The following LINGO2 variants were observed in gnomAD, a reference collection of about 807,000 sequenced individuals.
LINGO2 encodes the protein leucine rich repeat and Ig domain containing 2.
In LINGO2, 14 loss-of-function variants were observed where a neutral mutation model predicts 30.6. The ratio of observed to expected loss-of-function variants is 0.46; its 90% CI spans 0.30 to 0.72. The LOEUF (loss-of-function observed/expected upper bound fraction) is 0.72, where lower values mean the gene tolerates loss of function less well. Ranked by LOEUF, LINGO2 falls within the 30% of genes least tolerant of loss-of-function variation. The probability of loss-of-function intolerance (pLI) is 0.07; values close to 1 mark genes in which losing one functional copy is unlikely to be tolerated. For synonymous variants in LINGO2, 317 were observed against 288.5 expected (o/e 1.10, Z -1.00); for missense variants, 729 against 751.7 (o/e 0.97, Z 0.35).
chr9:28,545,902 ATCTG>A (rs968487323), intron 1 of LINGO2, among the ~76,000 whole-genome samples: 1 of 152,078 alleles, frequency 6.6e-6, no homozygotes, highest in African/African-American at 2.4e-5. Flanking sequence ...TTTAAATTGT[ATCTG>A]TCTGGTTCCT....
At chr9:28,862,617 T>C in the LINGO2 span, among the ~76,000 whole-genome samples, 4 of 152,000 alleles carry the variant, frequency 2.6e-5, no homozygotes, top group Non-Finnish European at 1.5e-5. Flanking sequence ...ATGAATACAA[T>C]AGATATATTC....
At chr9:28,617,666 T>A in intron 1 of LINGO2, among the ~76,000 whole-genome samples, 1 of 152,158 alleles carries the variant, frequency 6.6e-6, no homozygotes, top group East Asian at 1.9e-4. Context: ...TTCTCACCAA[T>A]GAAATTACTC....
intron 5 of LINGO2, among the ~76,000 whole-genome samples, chr9:27,998,108 C>CCCTT (rs1821759869): frequency 6.6e-6 from 1 of 152,154 alleles, no homozygotes; most frequent in African/African-American, 2.4e-5. Flanking sequence ...TATGCACAGG[C>CCCTT]CCTTGAAAGG....
At chr9:28,993,658 C>T in the LINGO2 span, among the ~76,000 whole-genome samples, 3 of 150,336 alleles carry the variant, frequency 2.0e-5, 1 homozygote, top group Non-Finnish European at 4.5e-5. Flanking sequence ...CATCAAAGAG[C>T]TTATCCACCA....
At chr9:28,155,503 CT>C (rs1244937280) in intron 4 of LINGO2, among the ~76,000 whole-genome samples, 2 of 152,208 alleles carry the variant, frequency 1.3e-5, no homozygotes, top group Non-Finnish European at 2.9e-5. Context: ...ATGCTACTTC[CT>C]GCTTGAAAGC....
In LINGO2 at chr9:28,400,146, G is replaced by A. The variant is rs1028739051; in HGVS notation, c.-278-27278C>T. On this transcript the variant is annotated intron_variant, in intron 2 of 5. Transcript: ENST00000379992. ...GACTCTATTGTGACCCTTTGGCACC[G>A]GAAAGACCAGCCCAAGATACAATTA... is the stretch of plus-strand genomic sequence containing the variant. Among the ~76,000 whole-genome samples the A allele has an allele frequency of 2.6e-5, 4 of 152,102 alleles. No individual in the cohort carries two copies. In the East Asian group the frequency reaches 5.8e-4, roughly 22 times the overall value.
the LINGO2 span, among the ~76,000 whole-genome samples, chr9:28,677,974 A>T: frequency 2.0e-5 from 3 of 150,538 alleles, 1 homozygote; most frequent in African/African-American, 7.3e-5. Flanking sequence ...TGCCACCCCC[A>T]CTCCAAGCTG....
chr9:28,794,246 G>A, the LINGO2 span, among the ~76,000 whole-genome samples: 1 of 152,232 alleles, frequency 6.6e-6, no homozygotes, highest in African/African-American at 2.4e-5. Flanking sequence ...AGAGGTTGCA[G>A]TGAGCCGAGA....
At chr9:28,839,560 T>C in the LINGO2 span, among the ~76,000 whole-genome samples, 1 of 152,146 alleles carries the variant, frequency 6.6e-6, no homozygotes, top group Non-Finnish European at 1.5e-5. Context: ...TATCAGCTGC[T>C]GAGAGGAGAC....
the LINGO2 span, among the ~76,000 whole-genome samples, chr9:28,984,810 T>G: frequency 6.6e-6 from 1 of 152,158 alleles, no homozygotes; most frequent in African/African-American, 2.4e-5. Flanking sequence ...CAATGTGGAA[T>G]AATTAAATCT....
chr9:28,849,277 T>C, the LINGO2 span, among the ~76,000 whole-genome samples: 1 of 129,786 alleles, frequency 7.7e-6, no homozygotes, highest in Non-Finnish European at 1.7e-5. Flanking sequence ...TGTTGTTGTA[T>C]CTGCTGTAAG....
chr9:28,035,893 A>AACACACACACACACACAAAC (rs141380517), intron 4 of LINGO2, among the ~76,000 whole-genome samples: 1 of 149,198 alleles, frequency 6.7e-6, no homozygotes, highest in African/African-American at 2.5e-5. Flanking sequence ...CACACACACA[A>AACACACACACACACACAAAC]ACACACACAC....
At chr9:28,428,023 TAC>T (rs897156292) in intron 2 of LINGO2, among the ~76,000 whole-genome samples, 6 of 152,152 alleles carry the variant, frequency 3.9e-5, no homozygotes, top group African/African-American at 1.4e-4. Flanking sequence ...CTGTGTGTAA[TAC>T]AGTCAGTTGC....
At chr9:28,465,462 T>C (rs1042809474) in intron 2 of LINGO2, among the ~76,000 whole-genome samples, 1 of 152,044 alleles carries the variant, frequency 6.6e-6, no homozygotes, top group Admixed American at 6.5e-5. Context: ...GAGCACAAGA[T>C]AGGGGGCATG....
At chr9:28,243,250 A>G (rs1821867890) in intron 4 of LINGO2, among the ~76,000 whole-genome samples, 1 of 152,090 alleles carries the variant, frequency 6.6e-6, no homozygotes. Context: ...CTGAGTCAGG[A>G]GTTCAAAACC....
At chr9:28,188,213 C>T (rs1053257432) in intron 4 of LINGO2, among the ~76,000 whole-genome samples, 7 of 152,174 alleles carry the variant, frequency 4.6e-5, no homozygotes, top group Admixed American at 1.3e-4. Flanking sequence ...CTAATTTCTA[C>T]TTATTCACTC....
chr9:28,345,240 GAATTA>G (rs1180136353), intron 3 of LINGO2, among the ~76,000 whole-genome samples: 1 of 152,140 alleles, frequency 6.6e-6, no homozygotes, highest in East Asian at 1.9e-4. Context: ...TTTAAGAATT[GAATTA>G]AATATATTTT....
chr9:28,933,917 A>G, the LINGO2 span, among the ~76,000 whole-genome samples: 1 of 152,162 alleles, frequency 6.6e-6, no homozygotes, highest in East Asian at 1.9e-4. Context: ...TTATTATGGA[A>G]GTGTACTCCC....
chr9:28,055,316 T>G (rs1157846364), intron 4 of LINGO2, among the ~76,000 whole-genome samples: 1 of 152,130 alleles, frequency 6.6e-6, no homozygotes, highest in East Asian at 1.9e-4. Flanking sequence ...AGTAATTTCT[T>G]GATAGAACAG....
Sources: gnomAD v4.1 joint callset for allele counts (sites outside exome capture counted in the v4.1 genomes callset) on GRCh38, gnomAD v4.1.1 for gene constraint, MANE v1.5 for transcripts, NCBI Gene and HGNC (gene_info 2026-07-23, HGNC 2026-07-21) for gene names.